The following SCAI variants were observed in gnomAD, a reference collection of about 807,000 sequenced individuals.
SCAI encodes suppressor of cancer cell invasion.
A neutral mutation model predicts 92.2 loss-of-function variants in SCAI; 24 were observed. The ratio of observed to expected loss-of-function variants is 0.26; its 90% CI spans 0.19 to 0.37. SCAI has a LOEUF of 0.37. Among genes scored for constraint, SCAI ranks in the 10% least tolerant of loss-of-function variants. The pLI is 1.00. For missense variants in SCAI, 450 were observed against 736.2 expected (o/e 0.61, Z 4.50); for synonymous variants, 261 against 258.6 (o/e 1.01, Z -0.09).
intron 17 of SCAI, among the ~76,000 whole-genome samples, chr9:124,966,355 T>C (rs1193321127): frequency 6.6e-6 from 1 of 151,422 alleles, no homozygotes; most frequent in African/African-American, 2.4e-5. Context: ...CCATAAAAAA[T>C]GATGAGTTCA....
At chr9:125,039,611 T>C (rs1040041188) in intron 3 of SCAI, among the ~76,000 whole-genome samples, 8 of 152,150 alleles carry the variant, frequency 5.3e-5, no homozygotes, top group East Asian at 1.9e-4. Context: ...GTGAGTTCAG[T>C]TGGACAGTTC....
chr9:125,016,394 T>C (rs1227785899), intron 9 of SCAI, among the ~76,000 whole-genome samples: 4 of 146,094 alleles, frequency 2.7e-5, no homozygotes, highest in Non-Finnish European at 6.0e-5. Flanking sequence ...TCTCAATAAA[T>C]AAATAAATAA....
At position 125,020,760 on chromosome 9, in the gene SCAI, C is replaced by A; in HGVS notation, c.522G>T (p.Leu174Phe). The change falls in exon 7 of 18, where the codon TTG (leucine) becomes TTT (phenylalanine). Residue 174 changes from leucine to phenylalanine, a missense_variant. Leu to Phe is a conservative substitution (Grantham distance 22, BLOSUM62 0). Around this residue, in one of 3 missense-constraint regions of SCAI, gnomAD observed 360 missense variants for 601.8 expected, o/e 0.60. Coordinates refer to ENST00000336505, the MANE Select transcript of SCAI (RefSeq NM_001144877.3). ...SQVNKEDRPELVVKKLRYYAR... is the reference protein window; with the variant it reads ...SQVNKEDRPEFVVKKLRYYAR... ...CATAATATCGTAACTTCTTAACTAC[C>A]AATTCAGGTCTATGGAAGATAAATG... 1 of 1,429,542 alleles carries A rather than the reference C, an allele frequency of 7.0e-7. No individual in the cohort carries two copies. Among genetic ancestry groups the A allele is most frequent in the African/African-American group, 1.4e-5 (1 of 69,198 alleles). The allele number at this position is 1,429,542 out of a possible 1,614,324, so 88.6% of individuals were successfully genotyped here.
In SCAI at chr9:125,092,872, C is replaced by T. The variant is rs537821263; in HGVS notation, c.99-36865G>A. Among the ~76,000 whole-genome samples, 36 of 152,342 alleles carry T rather than the reference C, an allele frequency of 2.4e-4. 3 individuals are homozygous for T. The highest frequency in any genetic ancestry group is 2.2e-3 in the Admixed American group (33 of 15,302). On this transcript the variant is annotated intron_variant, in intron 2 of 17. Transcript: ENST00000336505. ...CTATAGAGCTGTCTCCCATTCATCC[C>T]CCATTCTCTGTCGAACACACACCAA...
chr9:124,974,447 C>CAA (rs34233299), intron 15 of SCAI, among the ~76,000 whole-genome samples: 1,325 of 92,638 alleles, frequency 0.014, 60 homozygotes, highest in Admixed American at 0.11. Flanking sequence ...GACCCCATCT[C>CAA]AAAAAAAAAA....
At chr9:125,048,840 G>A (rs1833499646) in intron 3 of SCAI, among the ~76,000 whole-genome samples, 2 of 152,062 alleles carry the variant, frequency 1.3e-5, no homozygotes, top group Admixed American at 1.3e-4. Context: ...CCGCCTCCCA[G>A]GTTCAAGCGA....
rs188940892 is a variant in SCAI at position 125,024,031 on chromosome 9, A to G, written c.512+2781T>C. Among the ~76,000 whole-genome samples the G allele has an allele frequency of 1.1e-4, 16 of 152,112 alleles. No homozygotes were observed. The East Asian group carries it at 3.1e-3, about 30-fold the overall frequency. On this transcript the variant is annotated intron_variant, in intron 6 of 17. Transcript: ENST00000336505. ...TGCCAAAGCCTTCAATTTTACATTC[A>G]TATTTCCCACTGAAAAAAATACTGT... is the stretch of plus-strand genomic sequence containing the variant.
intron 2 of SCAI, among the ~76,000 whole-genome samples, chr9:125,111,713 C>T (rs181487618): frequency 9.0e-4 from 137 of 152,228 alleles, no homozygotes; most frequent in Non-Finnish European, 1.7e-3. Context: ...GGACATTAGG[C>T]AGCAAGGACA....
chr9:124,962,021 A>G (rs1427766154), intron 17 of SCAI, among the ~76,000 whole-genome samples: 1 of 152,076 alleles, frequency 6.6e-6, no homozygotes, highest in Non-Finnish European at 1.5e-5. Flanking sequence ...ACATTTTTAA[A>G]GCCAAAGCTC....
intron 2 of SCAI, among the ~76,000 whole-genome samples, chr9:125,094,744 C>T (rs1339959301): frequency 1.3e-5 from 2 of 152,108 alleles, no homozygotes; most frequent in African/African-American, 4.8e-5. Flanking sequence ...TCAGTTGATC[C>T]GCCTGTCTCA....
intron 9 of SCAI, among the ~76,000 whole-genome samples, chr9:125,011,183 G>T (rs1438528554): frequency 1.3e-5 from 2 of 152,270 alleles, no homozygotes; most frequent in South Asian, 2.1e-4. Context: ...GCTGGACGGA[G>T]AATGACTTTG....
intron 14 of SCAI, among the ~76,000 whole-genome samples, chr9:124,990,122 C>T (rs562076504): frequency 4.6e-5 from 7 of 151,560 alleles, no homozygotes; most frequent in Non-Finnish European, 8.8e-5. Context: ...TACAGTGAGC[C>T]AAGATCACGC....
chr9:125,059,887 T>C (rs1833739860), intron 2 of SCAI, among the ~76,000 whole-genome samples: 1 of 152,196 alleles, frequency 6.6e-6, no homozygotes, highest in Non-Finnish European at 1.5e-5. Context: ...CCTACTCTTA[T>C]ACAGCATCAT....
At chr9:124,981,098 AT>A (rs1156245987) in intron 14 of SCAI, among the ~76,000 whole-genome samples, 9 of 152,346 alleles carry the variant, frequency 5.9e-5, no homozygotes, top group African/African-American at 2.2e-4. Flanking sequence ...GAAGTGTACG[AT>A]TCAAAGCTAT....
chr9:125,028,521 A>G (rs1833007460), intron 4 of SCAI, 43 bp from the exon 5 acceptor site: 1 of 1,051,506 alleles, frequency 9.5e-7, no homozygotes, highest in African/African-American at 1.7e-5. Flanking sequence ...GAGTCTATAA[A>G]TTCCAAAACT....
intron 15 of SCAI, among the ~76,000 whole-genome samples, chr9:124,974,853 G>A (rs186604345): frequency 2.6e-5 from 4 of 152,302 alleles, no homozygotes; most frequent in African/African-American, 9.6e-5. Flanking sequence ...TGAAGAAACT[G>A]AGGCACAGAA....
At chr9:125,038,523 C>T (rs541910826) in intron 3 of SCAI, among the ~76,000 whole-genome samples, 11 of 152,328 alleles carry the variant, frequency 7.2e-5, no homozygotes, top group African/African-American at 2.6e-4. Context: ...CTGAATATGT[C>T]TTCTTGATCT....
chr9:125,088,422 G>A (rs1014796164), intron 2 of SCAI, among the ~76,000 whole-genome samples: 4 of 152,114 alleles, frequency 2.6e-5, no homozygotes, highest in Non-Finnish European at 5.9e-5. Context: ...GAAGTGTGTA[G>A]CACCTCCCCA....
chr9:125,138,566 C>T (rs1194056202), intron 2 of SCAI, among the ~76,000 whole-genome samples: 1 of 152,154 alleles, frequency 6.6e-6, no homozygotes. Context: ...AGGCACCTGC[C>T]ACCACGTCCA....
Sources: allele counts gnomAD v4.1 joint callset (sites outside exome capture counted in the v4.1 genomes callset), GRCh38; gene constraint gnomAD v4.1.1; regional missense constraint gnomAD v4.1.1; transcripts MANE v1.5; gene names NCBI Gene and HGNC (gene_info 2026-07-23, HGNC 2026-07-21).